The following PIEZO2 variants were observed in gnomAD, a reference collection of about 807,000 sequenced individuals.
PIEZO2 encodes piezo type mechanosensitive ion channel component 2.
A neutral mutation model predicts 337.3 loss-of-function variants in PIEZO2; 172 were observed. That is an observed-to-expected ratio of 0.51 (90% CI 0.45 to 0.58). The LOEUF (loss-of-function observed/expected upper bound fraction) is 0.58, where lower values mean the gene tolerates loss of function less well. Among genes scored for constraint, PIEZO2 ranks in the 20% least tolerant of loss-of-function variants. The pLI is 0.00. For missense variants in PIEZO2, 3,028 were observed against 3,391.3 expected (o/e 0.89, Z 2.66); for synonymous variants, 1,251 against 1,228.5 (o/e 1.02, Z -0.38).
At position 11,097,184 on chromosome 18, in the gene PIEZO2, A is replaced by G. The variant is rs1391701290; in HGVS notation, c.65-30962T>C. Among the ~76,000 whole-genome samples the G allele has an allele frequency of 6.6e-6, 1 of 152,158 alleles. No individual in the cohort carries two copies. The highest frequency in any genetic ancestry group is 1.5e-5 in the Non-Finnish European group (1 of 68,030). On this transcript the variant is annotated intron_variant, in intron 1 of 55. Coordinates refer to ENST00000674853, the MANE Select transcript of PIEZO2 (RefSeq NM_001378183.1). This position sits in a 1 kb window ranked among gnomAD's most constrained non-coding sequence, Gnocchi z 5.0. ...GCTAAATCCCGCCCCACAAACTAAG[A>G]ATGCTTTTTATATGTTTAAATGATT...
At chr18:10,751,925 G>A (rs2037661734) in intron 28 of PIEZO2, among the ~76,000 whole-genome samples, 3 of 152,140 alleles carry the variant, frequency 2.0e-5, no homozygotes, top group Admixed American at 1.3e-4. Flanking sequence ...TGTCATGTTA[G>A]GGGAAGAGTT....
intron 7 of PIEZO2, among the ~76,000 whole-genome samples, chr18:10,841,866 T>C (rs2041204124): frequency 6.6e-6 from 1 of 152,206 alleles, no homozygotes. Context: ...TATTAATATA[T>C]ACAAGGTTGG....
chr18:11,050,342 G>A (rs1159748072), intron 2 of PIEZO2, among the ~76,000 whole-genome samples: 2 of 152,086 alleles, frequency 1.3e-5, no homozygotes, highest in African/African-American at 4.8e-5. Flanking sequence ...AAAACCAGAT[G>A]CAATCAGCTT....
rs569665724 is a variant in PIEZO2, at chr18:10,963,831, C to T, written c.286+15704G>A. The stretch of plus-strand genomic sequence containing the variant: ...TCTGCATTTTGAAGTCCTCCAAGAC[C>T]TGTATTTTCCACTTGAATTTTGTCT... On this transcript the variant is annotated intron_variant, in intron 3 of 55. Coordinates refer to ENST00000674853, the MANE Select transcript of PIEZO2 (RefSeq NM_001378183.1). 6.6e-5 allele frequency among the ~76,000 whole-genome samples: 10 copies of T among 152,262 alleles called. No individual in the cohort carries two copies. In the East Asian group the frequency reaches 1.9e-3, roughly 29 times the overall value.
intron 18 of PIEZO2, among the ~76,000 whole-genome samples, chr18:10,774,725 T>G (rs2038727280): frequency 6.6e-6 from 1 of 152,210 alleles, no homozygotes; most frequent in African/African-American, 2.4e-5. Flanking sequence ...AATTAATGTT[T>G]TAAAGAACTT....
intron 24 of PIEZO2, among the ~76,000 whole-genome samples, chr18:10,760,140 C>T (rs1167305385): frequency 6.6e-6 from 1 of 152,192 alleles, no homozygotes; most frequent in African/African-American, 2.4e-5. Context: ...ATAACCACTT[C>T]AGACAATAAA....
chr18:10,855,099 TAC>T lies in PIEZO2; in HGVS notation c.917+252_917+253del, dbSNP rs1420315492. On this transcript the variant is annotated intron_variant, in intron 7 of 55. Transcript: ENST00000674853. The surrounding 1 kb of genome is among the most constrained non-coding windows in gnomAD (Gnocchi z 4.9). ...CAGCTGAGACTCTGTGTCTTATTCC[TAC>T]ACATGACAGCTCCCTGTCCTCCTGC... 6.6e-6 allele frequency among the ~76,000 whole-genome samples: 1 copy of T among 152,184 alleles called. No individual in the cohort carries two copies. Among genetic ancestry groups the T allele is most frequent in the African/African-American group, 2.4e-5 (1 of 41,434 alleles).
chr18:11,035,471 TTAAA>T lies in PIEZO2; in HGVS notation c.160+30652_160+30655del, dbSNP rs1210227367. The stretch of plus-strand genomic sequence containing the variant: ...CTTGCACAGCCTGCAGGACCATGAG[TTAAA>T]TAAACCTGTTTCCTTTACATATCTC... On this transcript the variant is annotated intron_variant, in intron 2 of 55. Coordinates refer to ENST00000674853, the MANE Select transcript of PIEZO2 (RefSeq NM_001378183.1). This position sits in a 1 kb window ranked among gnomAD's most constrained non-coding sequence, Gnocchi z 4.3. Among the ~76,000 whole-genome samples the T allele has an allele frequency of 1.3e-5, 2 of 152,056 alleles. No homozygotes were observed. Among genetic ancestry groups the T allele is most frequent in the Non-Finnish European group, 2.9e-5 (2 of 68,018 alleles).
intron 49 of PIEZO2, among the ~76,000 whole-genome samples, chr18:10,684,155 CTTTTTTTTTTTTTTT>C (rs71169941): frequency 1.6e-5 from 1 of 61,396 alleles, no homozygotes; most frequent in African/African-American, 6.6e-5. Flanking sequence ...TGTCTTTCCT[CTTTTTTTTTTTTTTT>C]TTTTTTTTTT....
At chr18:11,066,027 G>T in intron 2 of PIEZO2, 100 bp downstream of exon 2, 1 of 924,808 alleles carries the variant, frequency 1.1e-6, no homozygotes, top group Non-Finnish European at 1.6e-6. Flanking sequence ...CTGCTGCATA[G>T]ATAACATCTC....
At chr18:10,754,041 G>A (rs1435619530) in intron 27 of PIEZO2, among the ~76,000 whole-genome samples, 1 of 152,178 alleles carries the variant, frequency 6.6e-6, no homozygotes, top group African/African-American at 2.4e-5. Flanking sequence ...TTTTGAGTGT[G>A]TGTGCCTGTG....
Position 10,976,319 on chromosome 18 carries a change from C to T in PIEZO2, c.286+3216G>A, listed in dbSNP as rs181512928. On this transcript the variant is annotated intron_variant, in intron 3 of 55. Transcript: ENST00000674853. ...AACTAAACCAAAAAAATCTACAACA[C>T]CTGATGAGCCAATGCGATTACAGGC... Among the ~76,000 whole-genome samples the T allele has an allele frequency of 5.7e-4, 87 of 152,302 alleles. 1 individual carries two copies. Among genetic ancestry groups the T allele is most frequent in the African/African-American group, 1.9e-3 (81 of 41,560 alleles).
chr18:11,140,827 A>C (rs2040623463), intron 1 of PIEZO2, among the ~76,000 whole-genome samples: 1 of 152,186 alleles, frequency 6.6e-6, no homozygotes, highest in Non-Finnish European at 1.5e-5. Flanking sequence ...GTAGGTGGAG[A>C]AGATTCCTAC....
intron 3 of PIEZO2, among the ~76,000 whole-genome samples, chr18:10,949,706 G>A (rs2033199867): frequency 1.3e-5 from 2 of 152,214 alleles, no homozygotes. Flanking sequence ...TAAGGGAAAT[G>A]CAGAGAGAAG....
In PIEZO2 at chr18:11,112,199, G is replaced by T. The variant is rs552310116; in HGVS notation, c.64+36326C>A. Among the ~76,000 whole-genome samples, 3 of 152,156 alleles carry T rather than the reference G, an allele frequency of 2.0e-5. No homozygotes were observed. Among genetic ancestry groups the T allele is most frequent in the Non-Finnish European group, 4.4e-5 (3 of 68,036 alleles). Reference sequence around the variant, plus strand: ...ATTTAAGTAATCCTCTAGGTATTTTGTATCTACAGGATCAGATATTCGGAT... The same window carrying T: ...ATTTAAGTAATCCTCTAGGTATTTTTTATCTACAGGATCAGATATTCGGAT... On this transcript the variant is annotated intron_variant, in intron 1 of 55. Coordinates refer to ENST00000674853, the MANE Select transcript of PIEZO2 (RefSeq NM_001378183.1). This position sits in a 1 kb window ranked among gnomAD's most constrained non-coding sequence, Gnocchi z 4.3.
At position 11,069,639 on chromosome 18, in the gene PIEZO2, C is replaced by T. The variant is rs1257968163; in HGVS notation, c.65-3417G>A. On this transcript the variant is annotated intron_variant, in intron 1 of 55. Transcript: ENST00000674853. This position sits in a 1 kb window ranked among gnomAD's most constrained non-coding sequence, Gnocchi z 4.9. ...TCAAGACAAGGATGCCTACTCTTGA[C>T]ACTTCCATTCAATGTGGTACGGGAA... Among the ~76,000 whole-genome samples the T allele has an allele frequency of 2.0e-5, 3 of 152,208 alleles. No individual in the cohort carries two copies. Among genetic ancestry groups the T allele is most frequent in the Non-Finnish European group, 4.4e-5 (3 of 68,038 alleles).
chr18:10,694,286 G>A (rs2143660287), intron 47 of PIEZO2, among the ~76,000 whole-genome samples: 1 of 152,266 alleles, frequency 6.6e-6, no homozygotes, highest in Admixed American at 6.5e-5. Context: ...CAGCCATTAG[G>A]CTCTGGCTAC....
At chr18:11,098,244 T>TACACACACACAC (rs150739388) in intron 1 of PIEZO2, among the ~76,000 whole-genome samples, 4 of 145,742 alleles carry the variant, frequency 2.7e-5, no homozygotes, top group African/African-American at 1.0e-4. Flanking sequence ...AGAAGCAAGA[T>TACACACACACAC]ACACACACAC....
At position 10,702,275 on chromosome 18, in the gene PIEZO2, TCA is replaced by T; in HGVS notation, c.6259-106_6259-105del. On this transcript the variant is annotated intron_variant, in intron 42 of 55. Coordinates refer to ENST00000674853, the MANE Select transcript of PIEZO2 (RefSeq NM_001378183.1). The stretch of plus-strand genomic sequence containing the variant: ...AACAATTAAGAAAGAGACCCGCATT[TCA>T]CAGTTTTGATGGTAGGCAGGCACAT... 3.5e-6 allele frequency: 4 copies of T among 1,144,034 alleles called. No individual in the cohort carries two copies. The Admixed American group carries it at 9.2e-5, about 26-fold the overall frequency. 70.9% of individuals were successfully genotyped at this position (1,144,034 alleles called of 1,614,324 possible).
Sources: gnomAD v4.1 joint callset for allele counts (sites outside exome capture counted in the v4.1 genomes callset) on GRCh38, gnomAD v4.1.1 for gene constraint, Gnocchi (gnomAD v3.1) non-coding constraint, MANE v1.5 for transcripts, NCBI Gene and HGNC (gene_info 2026-07-23, HGNC 2026-07-21) for gene names.